The following COL12A1 variants were observed in gnomAD, a reference collection of about 807,000 sequenced individuals.
COL12A1 encodes the protein collagen alpha-1(XII) chain.
In COL12A1, 114 loss-of-function variants were observed where a neutral mutation model predicts 349.7. The observed-to-expected ratio is 0.33, with a 90% CI of 0.28 to 0.38. The LOEUF is 0.38. Ranked by LOEUF, COL12A1 falls within the 10% of genes least tolerant of loss-of-function variation. The pLI is 1.00. For missense variants in COL12A1, 3,284 were observed against 3,756.9 expected, an observed-to-expected ratio of 0.87 and a Z score of 3.29; for synonymous variants, 1,369 against 1,329.0, an observed-to-expected ratio of 1.03 and a Z score of -0.66.
intron 32 of COL12A1, 75 bp from the exon 33 acceptor site, chr6:75,134,072 C>T (rs1192283527): frequency 4.0e-6 from 6 of 1,495,398 alleles, no homozygotes; most frequent in African/African-American, 1.4e-5. Context: ...TCACTGATAT[C>T]TCCCAGGCAC....
intron 2 of COL12A1, among the ~76,000 whole-genome samples, chr6:75,200,160 A>T (rs771387748): frequency 6.6e-6 from 1 of 152,184 alleles, no homozygotes; most frequent in East Asian, 1.9e-4. Context: ...TGACCCCAGA[A>T]AGGCTTTGGC....
At chr6:75,151,780 C>T in intron 20 of COL12A1, 87 bp downstream of exon 20, 1 of 1,323,668 alleles carries the variant, frequency 7.6e-7, no homozygotes, top group African/African-American at 1.5e-5. Flanking sequence ...TATTTTTTTT[C>T]ATGCTTCAGA....
chr6:75,134,166 T>C (rs1766460944), intron 32 of COL12A1, among the ~76,000 whole-genome samples, 169 bp from the exon 33 acceptor site: 1 of 152,210 alleles, frequency 6.6e-6, no homozygotes, highest in African/African-American at 2.4e-5. Context: ...GCCTGATGCA[T>C]ATGTCTCATC....
rs1397534601 is a variant in COL12A1 at position 75,133,967 on chromosome 6, A to G, written c.5555T>C (p.Val1852Ala). Residue 1852 changes from valine (V) to alanine (A), a missense_variant, in exon 33 of 66, where the codon GTG becomes GCG. Val to Ala is a moderately conservative substitution (Grantham distance 64). Around this residue, in one of 2 missense-constraint regions of COL12A1, gnomAD observed 2,601 missense variants for 2,824.8 expected, o/e 0.92. Transcript: ENST00000322507. ...KPLNTVRNLR[V>A]YDPSTSTLNV... ...CAAGGTGCTGGTAGAAGGGTCATAC[A>G]CTCTCAGGTTCCTTACAGTGTTTAG... The G allele has an allele frequency of 1.2e-6, 2 of 1,613,888 alleles. No homozygotes were observed. Among genetic ancestry groups the G allele is most frequent in the East Asian group, 2.2e-5 (1 of 44,826 alleles).
intron 47 of COL12A1, 59 bp downstream of exon 47, chr6:75,117,323 A>G: frequency 6.5e-7 from 1 of 1,545,284 alleles, no homozygotes; most frequent in Non-Finnish European, 8.9e-7. Context: ...AGAATTGTCT[A>G]CTAAGTAATT....
intron 16 of COL12A1, 94 bp downstream of exon 16, chr6:75,155,568 T>G: frequency 2.9e-5 from 35 of 1,207,442 alleles, no homozygotes; most frequent in Non-Finnish European, 3.7e-5. Context: ...GACATATAAG[T>G]GATATTTGTG....
chr6:75,160,638 G>A (rs901386937), intron 14 of COL12A1, among the ~76,000 whole-genome samples: 1 of 152,236 alleles, frequency 6.6e-6, no homozygotes, highest in East Asian at 1.9e-4. Flanking sequence ...ATGGGAGATT[G>A]GTTTCAGGAT....
intron 46 of COL12A1, among the ~76,000 whole-genome samples, chr6:75,118,204 T>A (rs1769181025): frequency 6.6e-6 from 1 of 151,294 alleles, no homozygotes; most frequent in Admixed American, 6.6e-5. Flanking sequence ...CTACCAGGAG[T>A]CACAAACATG....
At chr6:75,109,618 A>G (rs1248017567) in intron 51 of COL12A1, among the ~76,000 whole-genome samples, 1 of 152,140 alleles carries the variant, frequency 6.6e-6, no homozygotes, top group African/African-American at 2.4e-5. Context: ...TCAGGCAGAA[A>G]TAATCTGCAT....
Position 75,119,430 on chromosome 6 carries a change from T to C in COL12A1, c.7130A>G (p.Lys2377Arg). The C allele has an allele frequency of 1.9e-6, 3 of 1,613,912 alleles. No homozygotes were observed. The highest frequency in any genetic ancestry group is 1.1e-5 in the South Asian group (1 of 91,060). ...GGCCTTGTCATTGTACGTGTTCAGC[T>C]TGAACTCAGACTTGACCTCATCGCT... Reference protein sequence around the residue: ...QYSDEVKSEFKLNTYNDKALA... With the variant: ...QYSDEVKSEFRLNTYNDKALA... The change falls in exon 45 of 66, where the codon AAG (lysine) becomes AGG (arginine). Residue 2377 changes from lysine to arginine, a missense_variant. Physicochemically the swap from Lys to Arg is conservative, Grantham distance 26. Transcript: ENST00000322507.
intron 1 of COL12A1, among the ~76,000 whole-genome samples, chr6:75,203,858 A>T (rs1265591793): frequency 6.6e-6 from 1 of 152,214 alleles, no homozygotes; most frequent in Admixed American, 6.5e-5. Flanking sequence ...TACATAATTT[A>T]TTGTAAGCCA....
intron 13 of COL12A1, among the ~76,000 whole-genome samples, chr6:75,166,634 G>T (rs1768325682): frequency 6.6e-6 from 1 of 152,068 alleles, no homozygotes; most frequent in African/African-American, 2.4e-5. Context: ...CTTTACTAGG[G>T]TTTATGCCAC....
intron 65 of COL12A1, 51 bp downstream of exon 65, chr6:75,087,526 A>G (rs747009147): frequency 1.9e-6 from 3 of 1,588,304 alleles, no homozygotes; most frequent in East Asian, 2.2e-5. Context: ...TCATTTCCGT[A>G]AAGTTCTTTA....
chr6:75,186,457 G>T (rs1484751494), intron 8 of COL12A1, among the ~76,000 whole-genome samples: 1 of 152,134 alleles, frequency 6.6e-6, no homozygotes, highest in African/African-American at 2.4e-5. Context: ...TTATTAAAAA[G>T]TCAAAAAATA....
intron 23 of COL12A1, among the ~76,000 whole-genome samples, chr6:75,146,727 C>A (rs1159089098): frequency 1.3e-5 from 2 of 152,090 alleles, no homozygotes; most frequent in African/African-American, 4.8e-5. Context: ...ACCCATGAAG[C>A]AGAGGAAAAA....
intron 13 of COL12A1, among the ~76,000 whole-genome samples, chr6:75,174,161 T>C (rs73747437): frequency 0.087 from 13,323 of 152,278 alleles, 1,012 homozygotes; most frequent in East Asian, 0.23. Flanking sequence ...CCAAGGAAAC[T>C]GCTCCAGTCT....
At chr6:75,103,929 C>A in intron 54 of COL12A1, 119 bp from the exon 55 acceptor site, 1 of 612,624 alleles carries the variant, frequency 1.6e-6, no homozygotes, top group Non-Finnish European at 2.7e-6. Context: ...CAGCTGCTTG[C>A]AAAATACTGA....
At chr6:75,120,862 G>A (rs1769324398) in intron 44 of COL12A1, among the ~76,000 whole-genome samples, 1 of 152,136 alleles carries the variant, frequency 6.6e-6, no homozygotes, top group Non-Finnish European at 1.5e-5. Flanking sequence ...CCTTCTTCTG[G>A]TCAAGGTAAT....
At position 75,105,151 on chromosome 6, in the gene COL12A1, A is replaced by G. The variant is rs1768484922; in HGVS notation, c.8265+55T>C. The stretch of plus-strand genomic sequence containing the variant: ...ACTGACTCCATATTGGCAAATAGAT[A>G]ATCACTCTAAAGATTTCAAAGGAAA... On this transcript the variant is annotated intron_variant, in intron 54 of 65. Transcript: ENST00000322507. The G allele has an allele frequency of 9.7e-6, 14 of 1,449,452 alleles. No homozygotes were observed. In the Middle Eastern group the frequency reaches 8.8e-4, roughly 92 times the overall value. The allele number at this position is 1,449,452 out of a possible 1,614,324, so 89.8% of individuals were successfully genotyped here.
Sources: gnomAD v4.1 joint callset for allele counts (sites outside exome capture counted in the v4.1 genomes callset) on GRCh38, gnomAD v4.1.1 for gene constraint, gnomAD v4.1.1 regional missense constraint, MANE v1.5 for transcripts, NCBI Gene and HGNC (gene_info 2026-07-23, HGNC 2026-07-21) for gene names.